The following C2CD3 variants were observed in gnomAD, a reference collection of about 807,000 sequenced individuals.
C2CD3 encodes the protein C2 domain-containing protein 3.
In C2CD3, 148 loss-of-function variants were observed where a neutral mutation model predicts 234.0. The observed-to-expected ratio is 0.63, with a 90% confidence interval of 0.55 to 0.72. The LOEUF is 0.72. C2CD3 is among the 30% of genes least tolerant of loss of function. C2CD3 has a pLI of 0.00. For missense variants in C2CD3, 2,577 were observed against 2,811.5 expected (o/e 0.92, Z 1.89); for synonymous variants, 1,000 against 1,035.4 (o/e 0.97, Z 0.66).
intron 24 of C2CD3, among the ~76,000 whole-genome samples, chr11:74,066,453 A>C (rs1333120209): frequency 6.7e-6 from 1 of 149,588 alleles, no homozygotes; most frequent in East Asian, 1.9e-4. Context: ...AGAAAGAAAG[A>C]AAAAAAAACA....
intron 7 of C2CD3, among the ~76,000 whole-genome samples, chr11:74,125,232 A>ACAGGCC (rs1451695655): frequency 6.6e-6 from 1 of 152,150 alleles, no homozygotes; most frequent in African/African-American, 2.4e-5. Context: ...TGGTGTGATC[A>ACAGGCC]TAGCTCACTG....
chr11:74,074,979 G>C (rs996674361), intron 23 of C2CD3, among the ~76,000 whole-genome samples: 4 of 152,226 alleles, frequency 2.6e-5, no homozygotes, highest in Admixed American at 2.6e-4. Flanking sequence ...AGCTACTCAG[G>C]AGGCTAAGGT....
intron 3 of C2CD3, among the ~76,000 whole-genome samples, chr11:74,151,966 C>G (rs979489231): frequency 6.6e-6 from 1 of 151,952 alleles, no homozygotes; most frequent in South Asian, 2.1e-4. Flanking sequence ...AGATACTGCA[C>G]AAGATGATTA....
intron 24 of C2CD3, among the ~76,000 whole-genome samples, chr11:74,061,735 C>T (rs1954259477): frequency 1.3e-5 from 2 of 152,312 alleles, no homozygotes; most frequent in South Asian, 4.1e-4. Flanking sequence ...AAATAATCAG[C>T]TAACATCATA....
At position 74,100,620 on chromosome 11, in the gene C2CD3, C is replaced by T. The variant is rs1956279161; in HGVS notation, c.2637G>A (p.Met879Ile). The stretch of plus-strand genomic sequence containing the variant: ...GCACCTTATTCCAAGTTTCAATTAC[C>T]ATCACATTGTTCTTAAGCCTTTCCA... The part of the protein sequence containing the change: ...KYLERLKNNV[M>I]VIETWNKVRS... The change falls in exon 15 of 33, where the codon ATG (methionine) becomes ATA (isoleucine). Residue 879 changes from methionine to isoleucine, a missense_variant. Physicochemically the swap from Met to Ile is conservative, Grantham distance 10 (BLOSUM62 1). Transcript: ENST00000334126. 8 of 1,614,012 alleles carry T rather than the reference C, an allele frequency of 5.0e-6. No individual in the cohort carries two copies. The South Asian group carries it at 8.8e-5, about 18-fold the overall frequency.
intron 3 of C2CD3, among the ~76,000 whole-genome samples, chr11:74,149,743 C>T (rs1262148740): frequency 6.6e-6 from 1 of 152,098 alleles, no homozygotes. Context: ...CTCTTGTTTG[C>T]AATATCCCAC....
chr11:74,109,214 A>G (rs1956651889), intron 11 of C2CD3, 62 bp from the exon 12 acceptor site: 2 of 788,600 alleles, frequency 2.5e-6, no homozygotes. Context: ...TCATCAATTC[A>G]TGCCTTGATA....
intron 24 of C2CD3, among the ~76,000 whole-genome samples, chr11:74,066,963 T>C (rs1954571532): frequency 6.6e-6 from 1 of 152,226 alleles, no homozygotes; most frequent in South Asian, 2.1e-4. Context: ...CTAGTAGGCT[T>C]GTCTTTCATT....
intron 9 of C2CD3, among the ~76,000 whole-genome samples, chr11:74,116,716 G>C (rs1189081327): frequency 6.6e-6 from 1 of 150,708 alleles, no homozygotes; most frequent in Non-Finnish European, 1.5e-5. Flanking sequence ...CAAAAATATG[G>C]AACCAGCCTA....
chr11:74,027,865 T>C (rs1288415249), intron 32 of C2CD3, among the ~76,000 whole-genome samples: 2 of 152,252 alleles, frequency 1.3e-5, no homozygotes, highest in African/African-American at 2.4e-5. Context: ...TGAATAGTTA[T>C]GAGGTGTTTT....
At chr11:74,090,416 C>G (rs1478721156) in intron 20 of C2CD3, among the ~76,000 whole-genome samples, 1 of 152,140 alleles carries the variant, frequency 6.6e-6, no homozygotes, top group African/African-American at 2.4e-5. Context: ...CATAGGTTCA[C>G]TGGCTACTAT....
At chr11:74,120,027 A>G (rs1000288219) in intron 8 of C2CD3, among the ~76,000 whole-genome samples, 1 of 152,160 alleles carries the variant, frequency 6.6e-6, no homozygotes, top group Non-Finnish European at 1.5e-5. Context: ...TGACTAGTGC[A>G]ACTGAAAAAT....
chr11:74,097,940 C>T, intron 16 of C2CD3, 69 bp downstream of exon 16: 1 of 1,478,756 alleles, frequency 6.8e-7, no homozygotes, highest in South Asian at 1.3e-5. Flanking sequence ...AGGATTTGGG[C>T]AATAAATTCA....
At chr11:74,115,247 CACTT>C (rs1211259043) in intron 9 of C2CD3, among the ~76,000 whole-genome samples, 5 of 151,806 alleles carry the variant, frequency 3.3e-5, no homozygotes, top group African/African-American at 1.2e-4. Flanking sequence ...TATATACACA[CACTT>C]ATACACACAC....
chr11:74,092,744 T>C (rs1483649453), intron 18 of C2CD3, among the ~76,000 whole-genome samples, 156 bp from the exon 19 acceptor site: 1 of 151,416 alleles, frequency 6.6e-6, no homozygotes, highest in Non-Finnish European at 1.5e-5. Flanking sequence ...TTACCACTCA[T>C]TATGTGGAGG....
intron 6 of C2CD3, 126 bp from the exon 7 acceptor site, chr11:74,133,098 T>C: frequency 1.2e-6 from 1 of 856,242 alleles, no homozygotes; most frequent in Non-Finnish European, 1.8e-6. Context: ...TTAACTGCCT[T>C]AAATAAAACT....
chr11:74,025,274 T>C (rs889809529), intron 32 of C2CD3, among the ~76,000 whole-genome samples: 8 of 152,098 alleles, frequency 5.3e-5, no homozygotes, highest in Non-Finnish European at 1.0e-4. Flanking sequence ...TCAGGTGGTG[T>C]AACAGAAGAG....
rs1952606075 is a variant in C2CD3, at chr11:74,033,619, A to G, written c.6541T>C (p.Ser2181Pro). The stretch of plus-strand genomic sequence containing the variant: ...AACGTGCTGCTCTGTTGAGCTCCTG[A>G]GAGTGTTGGGCATGGGATGGGCTGA... ...NPQPIPCPTLSGAQQSSTFVG... is the reference protein window; with the variant it reads ...NPQPIPCPTLPGAQQSSTFVG... Residue 2181 changes from serine to proline, a missense_variant, in exon 31 of 33, where the codon TCA becomes CCA. Ser to Pro is a moderately conservative substitution (Grantham distance 74). Transcript: ENST00000334126. The G allele has an allele frequency of 1.3e-6, 2 of 1,536,122 alleles. No individual in the cohort carries two copies. Among genetic ancestry groups the G allele is most frequent in the Non-Finnish European group, 1.7e-6 (2 of 1,146,892 alleles).
intron 8 of C2CD3, among the ~76,000 whole-genome samples, chr11:74,119,827 G>C (rs949360317): frequency 2.0e-5 from 3 of 151,758 alleles, no homozygotes; most frequent in African/African-American, 7.3e-5. Context: ...GTAGAGACAG[G>C]GTTTCACCAT....
Sources: gnomAD v4.1 joint callset for allele counts (sites outside exome capture counted in the v4.1 genomes callset) on GRCh38, gnomAD v4.1.1 for gene constraint, MANE v1.5 for transcripts, NCBI Gene and HGNC (gene_info 2026-07-23, HGNC 2026-07-21) for gene names.